PLAA: variants seen among roughly 807,000 people sequenced by gnomAD.
PLAA encodes phospholipase A-2-activating protein.
A neutral mutation model predicts 84.1 loss-of-function variants in PLAA; 48 were observed. The ratio of observed to expected loss-of-function variants is 0.57; its 90% CI spans 0.45 to 0.73. The LOEUF is 0.73. Ranked by LOEUF, PLAA falls within the 30% of genes least tolerant of loss-of-function variation. The probability of loss-of-function intolerance (pLI) is 0.00; values close to 1 mark genes in which losing one functional copy is unlikely to be tolerated. For synonymous variants in PLAA, 392 were observed against 336.6 expected, an observed-to-expected ratio of 1.16 and a Z score of -1.80; for missense variants, 903 against 954.7, an observed-to-expected ratio of 0.95 and a Z score of 0.71.
intron 10 of PLAA, chr9:26,916,812 T>C (rs910640441): frequency 4.1e-5 from 15 of 366,600 alleles, no homozygotes; most frequent in Non-Finnish European, 5.7e-5. Flanking sequence ...TTTGTCTGAC[T>C]CTAAAACCTA....
intron 13 of PLAA, among the ~76,000 whole-genome samples, chr9:26,906,658 C>T (rs538751308): frequency 6.6e-6 from 1 of 152,120 alleles, no homozygotes; most frequent in South Asian, 2.1e-4. Context: ...AAACTCCTGA[C>T]TTCAGGTGAT....
chr9:26,946,729 G>A (rs1460015002), intron 1 of PLAA, among the ~76,000 whole-genome samples, 168 bp downstream of exon 1: 1 of 152,218 alleles, frequency 6.6e-6, no homozygotes, highest in East Asian at 1.9e-4. Context: ...CTTAAATCCC[G>A]ATGGTTTCTT....
intron 9 of PLAA, among the ~76,000 whole-genome samples, chr9:26,918,164 T>C: frequency 6.6e-6 from 1 of 152,238 alleles, no homozygotes; most frequent in Middle Eastern, 3.4e-3. Flanking sequence ...CAGGTTGGAG[T>C]GCAATGGTGC....
intron 2 of PLAA, among the ~76,000 whole-genome samples, chr9:26,930,112 T>TA (rs1563915956): frequency 5.3e-5 from 8 of 149,946 alleles, no homozygotes; most frequent in African/African-American, 1.5e-4. Flanking sequence ...TATTATTTTT[T>TA]TTTTTTTTTT....
chr9:26,938,554 TAAA>T (rs34448526), intron 1 of PLAA, among the ~76,000 whole-genome samples: 2 of 114,604 alleles, frequency 1.7e-5, no homozygotes, highest in East Asian at 2.5e-4. Context: ...CACCATTTCT[TAAA>T]AAAAAAAAAA....
chr9:26,905,198 T>C lies in PLAA; in HGVS notation c.*313A>G. ...TACATTAAGTAATAAAAGCAAGTTATATGAGTAACAGCCCTTGTCTTCTTA... is the reference window on the plus strand; with the variant it reads ...TACATTAAGTAATAAAAGCAAGTTACATGAGTAACAGCCCTTGTCTTCTTA... On this transcript the variant is annotated 3_prime_UTR_variant, in exon 14 of 14. Coordinates refer to ENST00000397292, the MANE Select transcript of PLAA (RefSeq NM_001031689.3). The C allele has an allele frequency of 3.6e-6, 1 of 276,784 alleles. No individual in the cohort carries two copies. Among genetic ancestry groups the C allele is most frequent in the Non-Finnish European group, 6.8e-6 (1 of 146,658 alleles). The allele number at this position is 276,784 out of a possible 1,614,324, so 17.1% of individuals were successfully genotyped here.
intron 11 of PLAA, among the ~76,000 whole-genome samples, chr9:26,910,818 T>C (rs1223556722): frequency 6.6e-6 from 1 of 151,856 alleles, no homozygotes; most frequent in Non-Finnish European, 1.5e-5. Context: ...CCACCGAGCC[T>C]GGTCTAAGAT....
intron 1 of PLAA, among the ~76,000 whole-genome samples, chr9:26,935,611 C>A (rs139949463): frequency 1.3e-5 from 2 of 152,116 alleles, no homozygotes; most frequent in East Asian, 3.9e-4. Context: ...CCTAAATATA[C>A]TGAGGACTTT....
rs1824148065 is a variant in PLAA at position 26,903,706 on chromosome 9, T to A, written c.*1805A>T. Among the ~76,000 whole-genome samples, 1 of 152,160 alleles carries A rather than the reference T, an allele frequency of 6.6e-6. No individual in the cohort carries two copies. Among genetic ancestry groups the A allele is most frequent in the African/African-American group, 2.4e-5 (1 of 41,464 alleles). On this transcript the variant is annotated 3_prime_UTR_variant, in exon 14 of 14. Coordinates refer to ENST00000397292, the MANE Select transcript of PLAA (RefSeq NM_001031689.3). ...TTAACATATCCTTCAAGTGAGATTG[T>A]TTCCTTTTGCTAAGCTATATTTTGT... is the stretch of plus-strand genomic sequence containing the variant.
rs1264576597 is a variant in PLAA, at chr9:26,905,628, T to A, written c.2271A>T (p.Ser757=). ...AAGACTTGGCTAATTGTACAGCATT[T>A]GAATCATCACTGATAAGTGTTCCAA... is the stretch of plus-strand genomic sequence containing the variant. The part of the protein sequence containing the change: ...VALGTLISDD[S]NAVQLAKSLG... The change falls in exon 14 of 14, where the codon TCA becomes TCT. Residue 757 remains serine, a synonymous_variant. Transcript: ENST00000397292. 1.2e-6 allele frequency: 2 copies of A among 1,614,178 alleles called. No homozygotes were observed.
chr9:26,915,176 C>T (rs1824511129), intron 10 of PLAA, among the ~76,000 whole-genome samples: 1 of 151,058 alleles, frequency 6.6e-6, no homozygotes, highest in Admixed American at 6.6e-5. Flanking sequence ...CGCACCATTG[C>T]ACTCCAGCCT....
chr9:26,926,346 T>C (rs755065953), intron 5 of PLAA, 47 bp downstream of exon 5: 2 of 1,290,130 alleles, frequency 1.6e-6, no homozygotes, highest in South Asian at 2.5e-5. Context: ...TGGGATGGAA[T>C]AATGCTCAAT....
chr9:26,926,805 A>G (rs901172704), intron 4 of PLAA, among the ~76,000 whole-genome samples: 1 of 152,084 alleles, frequency 6.6e-6, no homozygotes, highest in Non-Finnish European at 1.5e-5. Flanking sequence ...AACCTCCAGA[A>G]ATAGTATTTT....
chr9:26,916,984 G>T, intron 10 of PLAA, 113 bp downstream of exon 10: 1 of 862,606 alleles, frequency 1.2e-6, no homozygotes, highest in Non-Finnish European at 1.8e-6. Context: ...AATTGGAAAT[G>T]CAGATAAGGG....
At chr9:26,924,152 C>G (rs550583455) in intron 6 of PLAA, among the ~76,000 whole-genome samples, 4 of 152,228 alleles carry the variant, frequency 2.6e-5, no homozygotes, top group South Asian at 2.1e-4. Context: ...TTCTTTGAGA[C>G]AGGGTCCAAC....
intron 9 of PLAA, among the ~76,000 whole-genome samples, chr9:26,918,912 A>G (rs1044797521): frequency 6.6e-6 from 1 of 151,724 alleles, no homozygotes; most frequent in African/African-American, 2.4e-5. Flanking sequence ...AATACACATC[A>G]CATATAAACT....
intron 10 of PLAA, chr9:26,915,966 C>T: frequency 1.0e-6 from 1 of 985,404 alleles, no homozygotes; most frequent in Non-Finnish European, 1.2e-6. Context: ...ATCCTTACTA[C>T]CATTTGAAAT....
chr9:26,922,378 A>C (rs1208514754), intron 7 of PLAA, among the ~76,000 whole-genome samples: 1 of 152,038 alleles, frequency 6.6e-6, no homozygotes, highest in Non-Finnish European at 1.5e-5. Flanking sequence ...ATACTAGTGA[A>C]CCAGTGGTTT....
At chr9:26,916,160 A>T (rs762205494) in intron 10 of PLAA, 2 of 984,894 alleles carry the variant, frequency 2.0e-6, no homozygotes, top group Non-Finnish European at 2.4e-6. Context: ...CATGATGCTG[A>T]CCTAACGTTG....
Sources: allele counts gnomAD v4.1 joint callset (sites outside exome capture counted in the v4.1 genomes callset), GRCh38; gene constraint gnomAD v4.1.1; transcripts MANE v1.5; gene names NCBI Gene and HGNC (gene_info 2026-07-23, HGNC 2026-07-21).